The following CDKAL1 variants were observed in gnomAD, a reference collection of about 807,000 sequenced individuals.
The protein encoded by CDKAL1 is threonylcarbamoyladenosine tRNA methylthiotransferase.
CDKAL1 carries 32 observed loss-of-function variants against 68.2 expected under a neutral mutation model. The observed-to-expected ratio is 0.47, with a 90% CI of 0.35 to 0.63. The LOEUF (loss-of-function observed/expected upper bound fraction) is 0.63, where lower values mean the gene tolerates loss of function less well. CDKAL1 is among the 30% of genes least tolerant of loss of function. The pLI is 0.00. For synonymous variants in CDKAL1, 234 were observed against 244.3 expected, an observed-to-expected ratio of 0.96 and a Z score of 0.39; for missense variants, 606 against 696.7, an observed-to-expected ratio of 0.87 and a Z score of 1.47.
chr6:20,723,229 C>A (rs762961462), intron 5 of CDKAL1, among the ~76,000 whole-genome samples: 3 of 152,142 alleles, frequency 2.0e-5, no homozygotes, highest in African/African-American at 7.2e-5. Flanking sequence ...GTCGTGGGCA[C>A]CCTCACCTGG....
chr6:20,863,579 C>T (rs1395111096), intron 9 of CDKAL1, among the ~76,000 whole-genome samples: 1 of 152,164 alleles, frequency 6.6e-6, no homozygotes, highest in Non-Finnish European at 1.5e-5. Context: ...AGAATGAGCA[C>T]TGTAAATGTC....
chr6:20,916,043 G>A (rs904568389), intron 9 of CDKAL1, among the ~76,000 whole-genome samples: 1 of 152,190 alleles, frequency 6.6e-6, no homozygotes, highest in African/African-American at 2.4e-5. Context: ...GGAGAATAAA[G>A]GCTATAAAGG....
rs189697033 is a variant in CDKAL1 at position 20,677,967 on chromosome 6, G to C, written c.371+28590G>C. ...ATTTTTAATTTTTCTGCTTTAAAGAGCTTCCTGATGTCCTTTATTTGTGAT... is the reference window on the plus strand; with the variant it reads ...ATTTTTAATTTTTCTGCTTTAAAGACCTTCCTGATGTCCTTTATTTGTGAT... On this transcript the variant is annotated intron_variant, in intron 5 of 15. Transcript: ENST00000274695. Among the ~76,000 whole-genome samples, 123 of 152,118 alleles carry C rather than the reference G, an allele frequency of 8.1e-4. 1 individual carries two copies. In the South Asian group the frequency reaches 0.012, roughly 14 times the overall value.
intron 11 of CDKAL1, among the ~76,000 whole-genome samples, chr6:21,010,965 C>G (rs1451899758): frequency 6.6e-6 from 1 of 151,282 alleles, no homozygotes; most frequent in East Asian, 2.0e-4. Flanking sequence ...ACCTGTAGTT[C>G]CAGCTACTTG....
chr6:20,861,536 C>T (rs1055002269), intron 9 of CDKAL1, among the ~76,000 whole-genome samples: 5 of 152,194 alleles, frequency 3.3e-5, no homozygotes, highest in African/African-American at 1.2e-4. Context: ...GGAAAAGCAA[C>T]AATTCCTGTT....
chr6:20,646,920 T>C lies in CDKAL1; in HGVS notation c.287-2373T>C, dbSNP rs146105710. ...CCCCACGCCCGGCTAATTTTTTGTA[T>C]TATTAGTAGAGATGGGGTTTCATCA... On this transcript the variant is annotated intron_variant, in intron 4 of 15. Transcript: ENST00000274695. Among the ~76,000 whole-genome samples the C allele has an allele frequency of 4.9e-3, 741 of 152,186 alleles. 4 individuals carry two copies. The highest frequency in any genetic ancestry group is 0.017 in the African/African-American group (696 of 41,516).
At chr6:20,558,314 A>T (rs572817973) in intron 4 of CDKAL1, among the ~76,000 whole-genome samples, 2 of 152,328 alleles carry the variant, frequency 1.3e-5, no homozygotes, top group African/African-American at 4.8e-5. Context: ...GGGGAGATGG[A>T]AATCTTAAAC....
At chr6:21,053,465 G>A (rs528263812) in intron 11 of CDKAL1, among the ~76,000 whole-genome samples, 13 of 152,222 alleles carry the variant, frequency 8.5e-5, no homozygotes, top group African/African-American at 1.9e-4. Flanking sequence ...TTACATTTTC[G>A]TTTCCCTTGG....
chr6:20,886,366 A>T (rs1761066968), intron 9 of CDKAL1, among the ~76,000 whole-genome samples: 1 of 152,146 alleles, frequency 6.6e-6, no homozygotes, highest in South Asian at 2.1e-4. Context: ...TTAATATATG[A>T]CCCAGCAATT....
chr6:20,670,905 A>G (rs558019387), intron 5 of CDKAL1, among the ~76,000 whole-genome samples: 6 of 152,264 alleles, frequency 3.9e-5, no homozygotes, highest in African/African-American at 1.4e-4. Context: ...GTGAGTGTAT[A>G]GTGGTTTATT....
chr6:20,818,742 T>C (rs1344789079), intron 8 of CDKAL1, among the ~76,000 whole-genome samples: 1 of 150,682 alleles, frequency 6.6e-6, no homozygotes, highest in Non-Finnish European at 1.5e-5. Flanking sequence ...ATATACTTAA[T>C]AATTATATAT....
chr6:20,822,590 A>G (rs766865057), intron 8 of CDKAL1, among the ~76,000 whole-genome samples: 5 of 152,160 alleles, frequency 3.3e-5, no homozygotes, highest in African/African-American at 9.7e-5. Flanking sequence ...CTTGAATTGT[A>G]ATTCCTGTAA....
chr6:20,617,722 C>T (rs1293627196), intron 4 of CDKAL1, among the ~76,000 whole-genome samples: 1 of 152,136 alleles, frequency 6.6e-6, no homozygotes, highest in Non-Finnish European at 1.5e-5. Context: ...CCAGATTCAT[C>T]TATGTCCCTG....
intron 8 of CDKAL1, among the ~76,000 whole-genome samples, chr6:20,807,761 C>A (rs147732413): frequency 4.9e-4 from 75 of 152,318 alleles, no homozygotes; most frequent in African/African-American, 1.8e-3. Context: ...ACTTCATGTG[C>A]CATCAAAAGT....
intron 9 of CDKAL1, among the ~76,000 whole-genome samples, chr6:20,925,648 T>C (rs1008891831): frequency 3.4e-4 from 51 of 152,186 alleles, no homozygotes; most frequent in Admixed American, 1.5e-3. Flanking sequence ...GTGCATTTTT[T>C]AAAAAGACAT....
At chr6:21,009,866 A>G (rs1167636582) in intron 11 of CDKAL1, among the ~76,000 whole-genome samples, 1 of 152,200 alleles carries the variant, frequency 6.6e-6, no homozygotes, top group Non-Finnish European at 1.5e-5. Flanking sequence ...TGATGAAGAG[A>G]GATTGGTTAA....
intron 5 of CDKAL1, among the ~76,000 whole-genome samples, chr6:20,696,163 A>G (rs1771097735): frequency 6.6e-6 from 1 of 152,266 alleles, no homozygotes; most frequent in South Asian, 2.1e-4. Flanking sequence ...TTGGCCTGCT[A>G]GGCATAGGAG....
intron 11 of CDKAL1, among the ~76,000 whole-genome samples, chr6:21,060,038 G>T (rs1378784294): frequency 6.6e-6 from 1 of 152,058 alleles, no homozygotes; most frequent in Non-Finnish European, 1.5e-5. Flanking sequence ...TCTGGTTTTT[G>T]TAACAGGGTA....
At chr6:20,876,487 C>T (rs1451755661) in intron 9 of CDKAL1, among the ~76,000 whole-genome samples, 1 of 152,182 alleles carries the variant, frequency 6.6e-6, no homozygotes, top group African/African-American at 2.4e-5. Flanking sequence ...ATATTTTAGG[C>T]AAAATGACAG....
Sources: allele counts gnomAD v4.1 joint callset (sites outside exome capture counted in the v4.1 genomes callset), GRCh38; gene constraint gnomAD v4.1.1; transcripts MANE v1.5; gene names NCBI Gene and HGNC (gene_info 2026-07-23, HGNC 2026-07-21).